The following IFI27L1 variants were observed in gnomAD, a reference collection of about 807,000 sequenced individuals.
IFI27L1 encodes the protein interferon alpha-inducible protein 27-like protein 1.
IFI27L1 carries 3 observed loss-of-function variants against 9.2 expected under a neutral mutation model. The ratio of observed to expected loss-of-function variants is 0.32; its 90% CI spans 0.15 to 0.84. The LOEUF is 0.84. IFI27L1 is among the 40% of genes least tolerant of loss of function. IFI27L1 has a pLI of 0.56. For missense variants in IFI27L1, 133 were observed against 134.2 expected (o/e 0.99, Z 0.05); for synonymous variants, 53 against 50.0 (o/e 1.06, Z -0.26).
chr14:94,092,785 C>T (rs1461276488), intron 1 of IFI27L1, among the ~76,000 whole-genome samples: 1 of 152,054 alleles, frequency 6.6e-6, no homozygotes. Context: ...TGGGAGGGAC[C>T]CAGTGGGAGA....
At position 94,101,898 on chromosome 14, in the gene IFI27L1, A is replaced by C; in HGVS notation, c.146A>C (p.Lys49Thr). 6.2e-7 allele frequency: 1 copy of C among 1,614,232 alleles called. No homozygotes were observed. The highest frequency in any genetic ancestry group is 8.5e-7 in the Non-Finnish European group (1 of 1,180,046). ...VGIAASSIAAKMMSTAAIANG... is the reference protein window; with the variant it reads ...VGIAASSIAATMMSTAAIANG... ...ATCGCCGCATCCTCCATAGCAGCCA[A>C]GATGATGTCTACAGCAGCCATTGCC... is the stretch of plus-strand genomic sequence containing the variant. Residue 49 changes from lysine to threonine, a missense_variant, in exon 4 of 5, where the codon AAG becomes ACG. Transcript: ENST00000555523.
intron 1 of IFI27L1, among the ~76,000 whole-genome samples, chr14:94,085,176 A>G (rs1886241792): frequency 6.6e-6 from 1 of 152,186 alleles, no homozygotes; most frequent in Non-Finnish European, 1.5e-5. Context: ...AAGAATGCAT[A>G]TGGAGAAGTT....
At chr14:94,093,916 C>T (rs1419179480) in intron 1 of IFI27L1, among the ~76,000 whole-genome samples, 2 of 152,072 alleles carry the variant, frequency 1.3e-5, no homozygotes, top group East Asian at 3.8e-4. Flanking sequence ...GTGAGAGTCT[C>T]AGTGTGAAGT....
At chr14:94,102,098 G>T in intron 4 of IFI27L1, 123 bp downstream of exon 4, 2 of 1,009,550 alleles carry the variant, frequency 2.0e-6, no homozygotes, top group South Asian at 2.9e-5. Flanking sequence ...TTGTCTTTCT[G>T]TCACTGTCCC....
At chr14:94,097,385 C>T (rs553286221) in intron 2 of IFI27L1, 3 of 566,080 alleles carry the variant, frequency 5.3e-6, no homozygotes, top group East Asian at 5.9e-5. Flanking sequence ...TTTGTAATAG[C>T]TCTTTTCATA....
chr14:94,097,821 C>T (rs1886730065), intron 2 of IFI27L1: 1 of 636,656 alleles, frequency 1.6e-6, no homozygotes, highest in African/African-American at 1.8e-5. Context: ...GGGACAGCTT[C>T]CAGAGGGGAA....
intron 1 of IFI27L1, among the ~76,000 whole-genome samples, chr14:94,092,540 C>A (rs1299683450): frequency 6.6e-6 from 1 of 152,038 alleles, no homozygotes; most frequent in African/African-American, 2.4e-5. Context: ...ACAAAAAAAA[C>A]TTTACAGACA....
At chr14:94,097,533 G>A (rs143831183) in intron 2 of IFI27L1, 18 of 672,046 alleles carry the variant, frequency 2.7e-5, no homozygotes, top group East Asian at 1.1e-4. Context: ...GATGGATTCC[G>A]GGTTCAGCAG....
intron 1 of IFI27L1, among the ~76,000 whole-genome samples, chr14:94,090,052 A>G (rs889548042): frequency 2.0e-5 from 3 of 152,254 alleles, no homozygotes; most frequent in African/African-American, 7.2e-5. Flanking sequence ...GTAAAGTAAA[A>G]TAAGCAAAAT....
intron 2 of IFI27L1, among the ~76,000 whole-genome samples, chr14:94,098,430 C>T (rs761532048): frequency 3.1e-4 from 47 of 152,312 alleles, no homozygotes; most frequent in Non-Finnish European, 5.7e-4. Flanking sequence ...GGACCTCAGT[C>T]ATATTGGATT....
intron 1 of IFI27L1, among the ~76,000 whole-genome samples, chr14:94,089,564 T>G (rs184632082): frequency 1.1e-4 from 16 of 152,318 alleles, no homozygotes; most frequent in African/African-American, 3.6e-4. Context: ...TACTGCATGC[T>G]ATTTTATCAG....
chr14:94,101,848 T>C lies in IFI27L1; in HGVS notation c.96T>C (p.Ser32=), dbSNP rs1008194677. The C allele has an allele frequency of 3.5e-5, 56 of 1,614,252 alleles. No individual in the cohort carries two copies. Among genetic ancestry groups the C allele is most frequent in the Non-Finnish European group, 4.4e-5 (52 of 1,180,036 alleles). Residue 32 remains serine, a synonymous_variant, in exon 4 of 5, where the codon AGT becomes AGC. Transcript: ENST00000555523. Reference sequence around the variant, plus strand: ...TGGGGACTGTGCTCGTGGCGCTCAGTGCCATGGGCTTCACCTCAGTAGGAA... The same window carrying C: ...TGGGGACTGTGCTCGTGGCGCTCAGCGCCATGGGCTTCACCTCAGTAGGAA... ...VAVGTVLVAL[S]AMGFTSVGIA...
At chr14:94,084,609 A>G (rs1886218338) in intron 1 of IFI27L1, among the ~76,000 whole-genome samples, 1 of 152,228 alleles carries the variant, frequency 6.6e-6, no homozygotes, top group African/African-American at 2.4e-5. Flanking sequence ...TTCGTGGGGC[A>G]GGGGGAGATT....
intron 2 of IFI27L1, among the ~76,000 whole-genome samples, chr14:94,098,594 A>C (rs938996860): frequency 7.5e-6 from 1 of 133,688 alleles, no homozygotes; most frequent in Non-Finnish European, 1.6e-5. Flanking sequence ...CGTTTTGAGG[A>C]AGAGAGAGTA....
intron 1 of IFI27L1, among the ~76,000 whole-genome samples, chr14:94,093,918 G>A (rs955907687): frequency 2.6e-5 from 4 of 152,202 alleles, no homozygotes. Context: ...GAGAGTCTCA[G>A]TGTGAAGTCT....
chr14:94,086,699 A>C (rs1393778949), intron 1 of IFI27L1, among the ~76,000 whole-genome samples: 1 of 152,176 alleles, frequency 6.6e-6, no homozygotes, highest in East Asian at 1.9e-4. Context: ...AATTACTCTT[A>C]GAAGAACTTT....
chr14:94,100,785 G>A lies in IFI27L1; in HGVS notation c.61+14G>A. The stretch of plus-strand genomic sequence containing the variant: ...TGGTCGGAGGAGGTGAGTCTCTATG[G>A]GAAGGAACTCAAGCCCCCATCCCCC... On this transcript the variant is annotated intron_variant, in intron 3 of 4. Transcript: ENST00000555523. 1.2e-6 allele frequency: 2 copies of A among 1,613,476 alleles called. No homozygotes were observed. Among genetic ancestry groups the A allele is most frequent in the Non-Finnish European group, 8.5e-7 (1 of 1,179,846 alleles).
At chr14:94,090,125 A>G (rs576186119) in intron 1 of IFI27L1, among the ~76,000 whole-genome samples, 8 of 152,348 alleles carry the variant, frequency 5.3e-5, no homozygotes, top group Admixed American at 5.2e-4. Context: ...AACCAAGCTG[A>G]TATGGGGGTC....
chr14:94,100,899 G>A (rs1246318329), intron 3 of IFI27L1, 128 bp downstream of exon 3: 2 of 1,009,982 alleles, frequency 2.0e-6, no homozygotes, highest in African/African-American at 1.6e-5. Flanking sequence ...GGTGGAGTGG[G>A]CAGAGTGATG....
Sources: allele counts gnomAD v4.1 joint callset (sites outside exome capture counted in the v4.1 genomes callset), GRCh38; gene constraint gnomAD v4.1.1; transcripts MANE v1.5; gene names NCBI Gene and HGNC (gene_info 2026-07-23, HGNC 2026-07-21).